TACR1: variants seen among roughly 807,000 people sequenced by gnomAD.
TACR1 encodes tachykinin receptor 1.
Under a neutral mutation model 35.8 loss-of-function variants are expected in TACR1, and 25 were observed. The observed-to-expected ratio is 0.70, with a 90% CI of 0.51 to 0.98. TACR1 has a LOEUF of 0.98. Among genes scored for constraint, TACR1 ranks in the 50% least tolerant of loss-of-function variants. TACR1 has a pLI of 0.00. For missense variants in TACR1, 478 were observed against 522.9 expected, an observed-to-expected ratio of 0.91 and a Z score of 0.84; for synonymous variants, 195 against 206.7, an observed-to-expected ratio of 0.94 and a Z score of 0.48.
chr2:75,098,361 A>G (rs1673465803), intron 2 of TACR1, among the ~76,000 whole-genome samples: 1 of 152,170 alleles, frequency 6.6e-6, no homozygotes, highest in Non-Finnish European at 1.5e-5. Flanking sequence ...TTTAGAATAT[A>G]GAATATTCTA....
chr2:75,053,573 G>T, intron 3 of TACR1, 32 bp downstream of exon 3: 2 of 1,490,936 alleles, frequency 1.3e-6, no homozygotes, highest in Non-Finnish European at 1.8e-6. Context: ...GTCTGTGCCA[G>T]GGTGGGTTAG....
intron 2 of TACR1, among the ~76,000 whole-genome samples, chr2:75,100,838 A>T (rs746724815): frequency 6.6e-6 from 1 of 152,252 alleles, no homozygotes; most frequent in Non-Finnish European, 1.5e-5. Context: ...TGTGGTTCAG[A>T]AGAATGCAAC....
At chr2:75,165,455 A>C (rs1157845910) in intron 1 of TACR1, among the ~76,000 whole-genome samples, 3 of 151,818 alleles carry the variant, frequency 2.0e-5, no homozygotes, top group Admixed American at 6.6e-5. Context: ...ACTACAGGCA[A>C]CCGCCACCAT....
At chr2:75,150,338 C>T (rs762639341) in intron 1 of TACR1, among the ~76,000 whole-genome samples, 53 of 152,164 alleles carry the variant, frequency 3.5e-4, no homozygotes, top group Admixed American at 2.2e-3. Flanking sequence ...TGTGTCCCCA[C>T]GCAAATCTCA....
intron 2 of TACR1, among the ~76,000 whole-genome samples, chr2:75,065,995 G>A (rs1401479644): frequency 6.6e-6 from 1 of 152,172 alleles, no homozygotes; most frequent in African/African-American, 2.4e-5. Flanking sequence ...CTGAAAATAT[G>A]TACTCTCAAC....
chr2:75,072,954 G>A (rs1294581406), intron 2 of TACR1, among the ~76,000 whole-genome samples: 2 of 144,764 alleles, frequency 1.4e-5, no homozygotes, highest in Non-Finnish European at 3.0e-5. Context: ...ACTAAGCTGA[G>A]CTAAACTAAA....
chr2:75,097,981 A>G (rs1383363667), intron 2 of TACR1, among the ~76,000 whole-genome samples: 1 of 152,194 alleles, frequency 6.6e-6, no homozygotes, highest in African/African-American at 2.4e-5. Context: ...ATGTGATGTC[A>G]CTGAACATGG....
chr2:75,137,723 C>T (rs1183917334), intron 1 of TACR1, among the ~76,000 whole-genome samples: 2 of 106,624 alleles, frequency 1.9e-5, no homozygotes, highest in Admixed American at 1.2e-4. Flanking sequence ...AGAGAGTCTC[C>T]GTCTCAAAAA....
At chr2:75,076,290 T>C (rs983781339) in intron 2 of TACR1, among the ~76,000 whole-genome samples, 1 of 152,240 alleles carries the variant, frequency 6.6e-6, no homozygotes, top group African/African-American at 2.4e-5. Context: ...TTACTCAGCA[T>C]GTCCCAGGAG....
chr2:75,150,977 CT>C (rs1674657048), intron 1 of TACR1, among the ~76,000 whole-genome samples: 1 of 152,178 alleles, frequency 6.6e-6, no homozygotes, highest in Non-Finnish European at 1.5e-5. Context: ...CATTTTGCCC[CT>C]GCCCTAGAGA....
intron 1 of TACR1, among the ~76,000 whole-genome samples, chr2:75,140,872 C>A (rs1310102172): frequency 6.6e-6 from 1 of 152,144 alleles, no homozygotes; most frequent in South Asian, 2.1e-4. Context: ...GACTCAAACT[C>A]CCAGTTTAAC....
intron 2 of TACR1, among the ~76,000 whole-genome samples, chr2:75,107,572 AAAAG>A (rs553334171): frequency 8.6e-5 from 13 of 152,024 alleles, no homozygotes; most frequent in Admixed American, 2.0e-4. Flanking sequence ...AAGGAAGGAG[AAAAG>A]AAAGAAAGAA....
intron 1 of TACR1, among the ~76,000 whole-genome samples, chr2:75,180,295 T>C (rs547512897): frequency 6.6e-6 from 1 of 152,370 alleles, no homozygotes; most frequent in Non-Finnish European, 1.5e-5. Flanking sequence ...TTGTTCTTTG[T>C]TGTATCCTTA....
At chr2:75,071,928 G>A (rs1001810852) in intron 2 of TACR1, among the ~76,000 whole-genome samples, 10 of 152,198 alleles carry the variant, frequency 6.6e-5, no homozygotes, top group African/African-American at 2.4e-4. Context: ...AGCAATTTCA[G>A]TGTCGGGATG....
intron 1 of TACR1, among the ~76,000 whole-genome samples, chr2:75,191,291 G>C (rs1558588252): frequency 6.6e-6 from 1 of 152,200 alleles, no homozygotes; most frequent in Non-Finnish European, 1.5e-5. Context: ...GCTGGGTGGA[G>C]AGTAGGTTTC....
At chr2:75,194,662 C>T (rs2103634564) in intron 1 of TACR1, among the ~76,000 whole-genome samples, 1 of 152,304 alleles carries the variant, frequency 6.6e-6, no homozygotes, top group South Asian at 2.1e-4. Context: ...ATTATCAGCT[C>T]TCTCAGAGAG....
At chr2:75,053,833 A>T in intron 2 of TACR1, 78 bp from the exon 3 acceptor site, 1 of 1,569,348 alleles carries the variant, frequency 6.4e-7, no homozygotes, top group Non-Finnish European at 8.7e-7. Flanking sequence ...TTGTTATTGC[A>T]GTCAAGGTTT....
chr2:75,113,384 T>C (rs1036958641), intron 2 of TACR1, among the ~76,000 whole-genome samples: 33 of 152,262 alleles, frequency 2.2e-4, no homozygotes, highest in Non-Finnish European at 1.6e-4. Context: ...GCTATTGGTA[T>C]GTAGAGGCCA....
chr2:75,196,887 G>C (rs1476934300), intron 1 of TACR1, among the ~76,000 whole-genome samples: 2 of 152,158 alleles, frequency 1.3e-5, no homozygotes, highest in Non-Finnish European at 2.9e-5. Context: ...GGCATCAAGA[G>C]AGTGTTTGTA....
Sources: allele counts gnomAD v4.1 joint callset (sites outside exome capture counted in the v4.1 genomes callset), GRCh38; gene constraint gnomAD v4.1.1; transcripts MANE v1.5; gene names NCBI Gene and HGNC (gene_info 2026-07-23, HGNC 2026-07-21).